Variants in TMTC3 observed in about 807,000 individuals in gnomAD.
TMTC3 encodes transmembrane O-mannosyltransferase targeting cadherins 3.
Under a neutral mutation model 92.2 loss-of-function variants are expected in TMTC3, and 52 were observed. The observed-to-expected ratio is 0.56, with a 90% CI of 0.45 to 0.71. TMTC3 has a LOEUF of 0.71. Ranked by LOEUF, TMTC3 falls within the 30% of genes least tolerant of loss-of-function variation. TMTC3 has a pLI of 0.00. For synonymous variants in TMTC3, 339 were observed against 363.3 expected, an observed-to-expected ratio of 0.93 and a Z score of 0.76; for missense variants, 896 against 1,057.1, an observed-to-expected ratio of 0.85 and a Z score of 2.11.
Position 88,198,466 on chromosome 12 carries a change from G to A in TMTC3, c.*2817G>A, listed in dbSNP as rs574054165. 18 of 397,954 alleles carry A rather than the reference G, an allele frequency of 4.5e-5. No homozygotes were observed. The East Asian group carries it at 6.1e-4, about 13-fold the overall frequency. The allele number at this position is 397,954 out of a possible 1,614,324, so 24.7% of individuals were successfully genotyped here. ...TTACTCCTTCACTGCTTCTTAGAAG[G>A]TAGAATTAAGTTTCTGGAATTGCAC... is the stretch of plus-strand genomic sequence containing the variant. On this transcript the variant is annotated 3_prime_UTR_variant, in exon 14 of 14. Coordinates refer to ENST00000266712, the MANE Select transcript of TMTC3 (RefSeq NM_181783.4).
intron 4 of TMTC3, among the ~76,000 whole-genome samples, chr12:88,155,248 G>A (rs951088449): frequency 1.1e-4 from 16 of 152,116 alleles, no homozygotes; most frequent in African/African-American, 3.6e-4. Flanking sequence ...TCCATTCACC[G>A]TAACACATCA....
chr12:88,158,771 G>A (rs2138378367), intron 4 of TMTC3, among the ~76,000 whole-genome samples: 1 of 152,216 alleles, frequency 6.6e-6, no homozygotes, highest in Middle Eastern at 3.4e-3. Context: ...CGAGGTCACG[G>A]CCGGGCACAG....
chr12:88,182,378 A>G (rs35932746), intron 10 of TMTC3, among the ~76,000 whole-genome samples: 34,301 of 152,196 alleles, frequency 0.23, 9,332 homozygotes, highest in African/African-American at 0.66. Context: ...AGAGAGTCTA[A>G]GGCTGTATTG....
intron 2 of TMTC3, among the ~76,000 whole-genome samples, chr12:88,149,056 ATAAGAAT>A (rs2040910313): frequency 6.6e-6 from 1 of 152,146 alleles, no homozygotes; most frequent in Admixed American, 6.6e-5. Flanking sequence ...ATATAAATAG[ATAAGAAT>A]TTAAGAGTAA....
At chr12:88,182,527 G>A (rs1272082383) in intron 10 of TMTC3, among the ~76,000 whole-genome samples, 1 of 152,092 alleles carries the variant, frequency 6.6e-6, no homozygotes, top group East Asian at 1.9e-4. Flanking sequence ...AACCTTTTGA[G>A]GTCTAACTGA....
chr12:88,158,305 A>G (rs2041033735), intron 4 of TMTC3, among the ~76,000 whole-genome samples: 1 of 152,128 alleles, frequency 6.6e-6, no homozygotes, highest in Non-Finnish European at 1.5e-5. Context: ...ATTTATTTCT[A>G]CATCCACCTT....
intron 10 of TMTC3, among the ~76,000 whole-genome samples, chr12:88,177,755 G>GA (rs1163030537): frequency 1.3e-5 from 2 of 152,148 alleles, no homozygotes; most frequent in African/African-American, 4.8e-5. Flanking sequence ...AAATATCCTT[G>GA]AAGGGGTGCA....
Position 88,148,390 on chromosome 12 carries a change from T to C in TMTC3, c.75T>C (p.Phe25=). 1.9e-6 allele frequency: 3 copies of C among 1,613,682 alleles called. No homozygotes were observed. Among genetic ancestry groups the C allele is most frequent in the Non-Finnish European group, 2.5e-6 (3 of 1,179,720 alleles). The change falls in exon 2 of 14, where the codon TTT becomes TTC. Residue 25 remains phenylalanine (F), a synonymous_variant. Transcript: ENST00000266712. ...CTGCCTGCTATTGGAACAGCCTCTTTTGTGGTTTTGTTTTTGATGATGTTT... is the reference window on the plus strand; with the variant it reads ...CTGCCTGCTATTGGAACAGCCTCTTCTGTGGTTTTGTTTTTGATGATGTTT... ...VVTACYWNSL[F]CGFVFDDVSA... is the part of the protein sequence containing the mutation.
Position 88,160,205 on chromosome 12 carries a change from G to A in TMTC3, c.600G>A (p.Val200=), listed in dbSNP as rs781126962. 7.0e-6 allele frequency: 11 copies of A among 1,569,426 alleles called. No homozygotes were observed. The highest frequency in any genetic ancestry group is 1.9e-5 in the Admixed American group (1 of 52,714). ...QGITVVGICC[V]YEVFIAQGYT... ...TAACAGTTGTAGGAATTTGCTGTGT[G>A]TATGAAGTGTTTATTGCCCAGGGGG... Residue 200 remains valine, a synonymous_variant, in exon 5 of 14, where the codon GTG becomes GTA. Transcript: ENST00000266712.
Position 88,166,515 on chromosome 12 carries a change from G to C in TMTC3, c.983G>C (p.Cys328Ser), listed in dbSNP as rs1482781138. The change falls in exon 7 of 14, where the codon TGT becomes TCT. Residue 328 changes from cysteine to serine, a missense_variant. Transcript: ENST00000266712. ...AATCTGGCCACATTTACTTTCTTTT[G>C]TTTTCTGGGGATGTTGGGAGTATTC... Reference protein sequence around the residue: ...IRNLATFTFFCFLGMLGVFSI... With the variant: ...IRNLATFTFFSFLGMLGVFSI... 1.2e-6 allele frequency: 2 copies of C among 1,613,568 alleles called. No homozygotes were observed. The highest frequency in any genetic ancestry group is 1.3e-5 in the African/African-American group (1 of 74,806).
chr12:88,198,397 CA>C lies in TMTC3; in HGVS notation c.*2749del. On this transcript the variant is annotated 3_prime_UTR_variant, in exon 14 of 14. Coordinates refer to ENST00000266712, the MANE Select transcript of TMTC3 (RefSeq NM_181783.4). ...TCTCAAAAGAGAATCAGCTCTCCAGCAGTTCTAGAAAAGCTTTGACAATCCC... is the reference window on the plus strand; with the variant it reads ...TCTCAAAAGAGAATCAGCTCTCCAGCGTTCTAGAAAAGCTTTGACAATCCC... 1 of 398,080 alleles carries C rather than the reference CA, an allele frequency of 2.5e-6. No individual in the cohort carries two copies. Among genetic ancestry groups the C allele is most frequent in the East Asian group, 3.6e-5 (1 of 28,048 alleles). The allele number at this position is 398,080 out of a possible 1,614,324, so 24.7% of individuals were successfully genotyped here.
chr12:88,143,382 C>T (rs915071909), intron 1 of TMTC3, among the ~76,000 whole-genome samples: 1 of 152,050 alleles, frequency 6.6e-6, no homozygotes, highest in Non-Finnish European at 1.5e-5. Context: ...GATTATATGC[C>T]AAATACTATT....
chr12:88,156,750 A>G (rs1450926665), intron 4 of TMTC3, among the ~76,000 whole-genome samples: 1 of 150,218 alleles, frequency 6.7e-6, no homozygotes, highest in Admixed American at 6.7e-5. Context: ...CCCTCATAAC[A>G]CTCACAGAAC....
chr12:88,192,733 A>T lies in TMTC3; in HGVS notation c.1836A>T (p.Glu612Asp). 6.2e-7 allele frequency: 1 copy of T among 1,613,566 alleles called. No homozygotes were observed. Among genetic ancestry groups the T allele is most frequent in the Non-Finnish European group, 8.5e-7 (1 of 1,179,706 alleles). ...NLAIVHIELK[E>D]PNEALKNFNR... ...CAATTGTACATATTGAACTTAAAGA[A>T]CCAAATGAAGCCCTAAAAAACTTTA... is the stretch of plus-strand genomic sequence containing the variant. The change falls in exon 13 of 14, where the codon GAA (glutamate) becomes GAT (aspartate). Residue 612 changes from glutamate (E) to aspartate (D), a missense_variant. Coordinates refer to ENST00000266712, the MANE Select transcript of TMTC3 (RefSeq NM_181783.4).
At chr12:88,193,297 G>A (rs1269115559) in intron 13 of TMTC3, among the ~76,000 whole-genome samples, 2 of 151,864 alleles carry the variant, frequency 1.3e-5, no homozygotes, top group South Asian at 2.1e-4. Flanking sequence ...GTTTTACTAC[G>A]TTTTCTGAGA....
rs548319149 is a variant in TMTC3, at chr12:88,161,195, C to T, written c.797+344C>T. Among the ~76,000 whole-genome samples, 6 of 152,140 alleles carry T rather than the reference C, an allele frequency of 3.9e-5. No homozygotes were observed. The South Asian group carries it at 8.3e-4, about 21-fold the overall frequency. On this transcript the variant is annotated intron_variant, in intron 6 of 13. Transcript: ENST00000266712. Reference sequence around the variant, plus strand: ...AATCTCTGACTATACTTGTAGATTTCGCTATTTCTCCTTGCACTTCTGTCG... The same window carrying T: ...AATCTCTGACTATACTTGTAGATTTTGCTATTTCTCCTTGCACTTCTGTCG...
intron 12 of TMTC3, 130 bp downstream of exon 12, chr12:88,190,752 T>G: frequency 1.1e-6 from 1 of 904,572 alleles, no homozygotes. Context: ...ACCAAGTGCA[T>G]AGAAGAGCAT....
At chr12:88,154,047 T>G (rs1413723629) in intron 3 of TMTC3, among the ~76,000 whole-genome samples, 1 of 152,036 alleles carries the variant, frequency 6.6e-6, no homozygotes. Context: ...TTTTGAAACT[T>G]CCTATAAGTC....
At chr12:88,156,515 C>T (rs1011265219) in intron 4 of TMTC3, among the ~76,000 whole-genome samples, 1 of 152,108 alleles carries the variant, frequency 6.6e-6, no homozygotes, top group Non-Finnish European at 1.5e-5. Context: ...AAGTTACTGC[C>T]TAGGAGTGAT....
Sources: gnomAD v4.1 joint callset for allele counts (sites outside exome capture counted in the v4.1 genomes callset) on GRCh38, gnomAD v4.1.1 for gene constraint, MANE v1.5 for transcripts, NCBI Gene and HGNC (gene_info 2026-07-23, HGNC 2026-07-21) for gene names.